Variants in VWA8 observed in about 807,000 individuals in gnomAD.
VWA8 encodes von Willebrand factor A domain containing 8.
A neutral mutation model predicts 241.5 loss-of-function variants in VWA8; 221 were observed. The observed-to-expected ratio is 0.91, with a 90% CI of 0.82 to 1.02. VWA8 has a LOEUF of 1.02. Ranked by LOEUF, VWA8 falls within the 50% of genes least tolerant of loss-of-function variation. VWA8 has a pLI of 0.00. For synonymous variants in VWA8, 852 were observed against 827.1 expected, an observed-to-expected ratio of 1.03 and a Z score of -0.52; for missense variants, 2,322 against 2,328.7, an observed-to-expected ratio of 1.00 and a Z score of 0.06.
intron 29 of VWA8, among the ~76,000 whole-genome samples, chr13:41,698,421 T>C (rs2045228559): frequency 6.6e-6 from 1 of 152,122 alleles, no homozygotes; most frequent in African/African-American, 2.4e-5. Flanking sequence ...TGTGTTTTGT[T>C]TGGAATTATT....
At chr13:41,872,355 G>T (rs1030524292) in intron 9 of VWA8, among the ~76,000 whole-genome samples, 61 of 152,218 alleles carry the variant, frequency 4.0e-4, no homozygotes, top group African/African-American at 1.4e-3. Context: ...CATTGCTTTT[G>T]GTGTTTTAGA....
chr13:41,692,311 T>C (rs1215947694), intron 30 of VWA8, among the ~76,000 whole-genome samples: 3 of 152,110 alleles, frequency 2.0e-5, no homozygotes, highest in Admixed American at 6.6e-5. Context: ...ACTCTTTTCA[T>C]AGTCTTTTAA....
Position 41,778,075 on chromosome 13 carries a change from G to C in VWA8, c.2278-19C>G, listed in dbSNP as rs774194524. On this transcript the variant is annotated intron_variant, in intron 19 of 44. Coordinates refer to ENST00000379310, the MANE Select transcript of VWA8 (RefSeq NM_015058.2). Reference sequence around the variant, plus strand: ...TCACATGCTAGAGAAAAAGGAACTAGGGGTTAACTGTTTTGTACAATCAAG... The same window carrying C: ...TCACATGCTAGAGAAAAAGGAACTACGGGTTAACTGTTTTGTACAATCAAG... 1.9e-6 allele frequency: 3 copies of C among 1,594,818 alleles called. No individual in the cohort carries two copies. The highest frequency in any genetic ancestry group is 2.6e-6 in the Non-Finnish European group (3 of 1,169,456).
chr13:41,902,019 G>A (rs1875475837), intron 4 of VWA8, among the ~76,000 whole-genome samples: 1 of 150,024 alleles, frequency 6.7e-6, no homozygotes, highest in African/African-American at 2.5e-5. Flanking sequence ...TAACACAGAG[G>A]CCACAGTAAA....
chr13:41,923,488 TC>T (rs1172934700), intron 2 of VWA8, among the ~76,000 whole-genome samples: 2 of 152,120 alleles, frequency 1.3e-5, no homozygotes, highest in African/African-American at 4.8e-5. Context: ...GAGAAATGTA[TC>T]CACTTTTGCC....
chr13:41,925,912 A>AGAAG (rs1876808107), intron 2 of VWA8: 1 of 375,744 alleles, frequency 2.7e-6, no homozygotes, highest in Non-Finnish European at 5.3e-6. Context: ...ATCTCATTCA[A>AGAAG]TGACTTCATC....
chr13:41,666,534 T>C (rs569800476), intron 37 of VWA8, among the ~76,000 whole-genome samples: 1 of 152,306 alleles, frequency 6.6e-6, no homozygotes, highest in East Asian at 1.9e-4. Context: ...GAGAGATAAC[T>C]GCTAAATACT....
chr13:41,809,280 C>G (rs1870361540), intron 17 of VWA8, among the ~76,000 whole-genome samples: 1 of 152,016 alleles, frequency 6.6e-6, no homozygotes, highest in Admixed American at 6.6e-5. Flanking sequence ...TATGAAACCA[C>G]AAAGACCCAG....
intron 9 of VWA8, among the ~76,000 whole-genome samples, chr13:41,873,624 A>T (rs1873752308): frequency 6.6e-6 from 1 of 152,204 alleles, no homozygotes. Flanking sequence ...CTCTCCCAAG[A>T]CTAAACCAGG....
chr13:41,960,382 C>T (rs1295514073), intron 1 of VWA8, among the ~76,000 whole-genome samples: 1 of 152,172 alleles, frequency 6.6e-6, no homozygotes, highest in Non-Finnish European at 1.5e-5. Flanking sequence ...ACACCGTGAA[C>T]TATGGGTTCT....
At chr13:41,586,527 G>A (rs540586566) in intron 42 of VWA8, among the ~76,000 whole-genome samples, 4 of 151,766 alleles carry the variant, frequency 2.6e-5, no homozygotes, top group South Asian at 2.1e-4. Context: ...AATTCCTCAC[G>A]TAGAGCTTCA....
intron 37 of VWA8, among the ~76,000 whole-genome samples, chr13:41,661,286 T>G (rs899921228): frequency 4.6e-5 from 7 of 152,190 alleles, no homozygotes; most frequent in Non-Finnish European, 4.4e-5. Flanking sequence ...CCAACATAAT[T>G]TGATGGAGTT....
At position 41,824,070 on chromosome 13, in the gene VWA8, T is replaced by G. The variant is rs373187829; in HGVS notation, c.1701-4684A>C. On this transcript the variant is annotated intron_variant, in intron 14 of 44. Coordinates refer to ENST00000379310, the MANE Select transcript of VWA8 (RefSeq NM_015058.2). ...GTTACCCTTACCTGAGTTTCCTCTC[T>G]GAAAGCAGGACAGGTATCTAAATTT... is the stretch of plus-strand genomic sequence containing the variant. Among the ~76,000 whole-genome samples the G allele has an allele frequency of 1.2e-4, 18 of 152,326 alleles. No individual in the cohort carries two copies. In the East Asian group the frequency reaches 1.5e-3, roughly 13 times the overall value.
intron 8 of VWA8, among the ~76,000 whole-genome samples, chr13:41,884,376 A>AAG (rs138852118): frequency 6.6e-6 from 1 of 151,794 alleles, no homozygotes; most frequent in Non-Finnish European, 1.5e-5. Flanking sequence ...CCACCATGTG[A>AAG]AGGACGTGTT....
At chr13:41,743,323 T>C (rs1356424006) in intron 21 of VWA8, among the ~76,000 whole-genome samples, 4 of 152,220 alleles carry the variant, frequency 2.6e-5, no homozygotes, top group Non-Finnish European at 4.4e-5. Context: ...AATGGACTGG[T>C]TCTCACTGCT....
chr13:41,793,472 G>A (rs1384817158), intron 17 of VWA8, among the ~76,000 whole-genome samples: 2 of 152,094 alleles, frequency 1.3e-5, no homozygotes, highest in African/African-American at 4.8e-5. Flanking sequence ...TCCTCCCTAA[G>A]ATTCATAGGT....
intron 18 of VWA8, 57 bp from the exon 19 acceptor site, chr13:41,783,958 A>G (rs979276706): frequency 7.5e-7 from 1 of 1,329,288 alleles, no homozygotes; most frequent in Non-Finnish European, 1.1e-6. Context: ...AGAGATGCCA[A>G]GCCACCCAAC....
At chr13:41,888,343 A>G (rs1874647470) in intron 5 of VWA8, among the ~76,000 whole-genome samples, 1 of 152,234 alleles carries the variant, frequency 6.6e-6, no homozygotes, top group Non-Finnish European at 1.5e-5. Flanking sequence ...TTCACAGCCC[A>G]AATGACAATA....
chr13:41,898,312 G>C (rs1415058247), intron 4 of VWA8, among the ~76,000 whole-genome samples: 3 of 147,754 alleles, frequency 2.0e-5, no homozygotes, highest in African/African-American at 7.6e-5. Context: ...GCTAGATACA[G>C]AGTGCCAATT....
Sources: allele counts gnomAD v4.1 joint callset (sites outside exome capture counted in the v4.1 genomes callset), GRCh38; gene constraint gnomAD v4.1.1; transcripts MANE v1.5; gene names NCBI Gene and HGNC (gene_info 2026-07-23, HGNC 2026-07-21).